Variants in BCAS3 observed in about 807,000 individuals in gnomAD.
BCAS3 encodes BCAS3 microtubule associated cell migration factor.
Under a neutral mutation model 116.1 loss-of-function variants are expected in BCAS3, and 53 were observed. The ratio of observed to expected loss-of-function variants is 0.46; its 90% CI spans 0.37 to 0.57. The LOEUF is 0.57. Among genes scored for constraint, BCAS3 ranks in the 20% least tolerant of loss-of-function variants. The pLI, the probability that BCAS3 is intolerant of heterozygous loss-of-function variation, is 0.00. For missense variants in BCAS3, 917 were observed against 1,165.4 expected, an observed-to-expected ratio of 0.79 and a Z score of 3.10; for synonymous variants, 391 against 408.2, an observed-to-expected ratio of 0.96 and a Z score of 0.51.
chr17:61,276,861 C>A lies in BCAS3; in HGVS notation c.2426-91466C>A, dbSNP rs1411442519. Among the ~76,000 whole-genome samples the A allele has an allele frequency of 6.6e-6, 1 of 152,096 alleles. No individual in the cohort carries two copies. Among genetic ancestry groups the A allele is most frequent in the African/African-American group, 2.4e-5 (1 of 41,428 alleles). On this transcript the variant is annotated intron_variant, in intron 22 of 23. Transcript: ENST00000407086. The surrounding 1 kb of genome is among the most constrained non-coding windows in gnomAD (Gnocchi z 4.2). ...GTACTGGCATAAGGATAGACATATA[C>A]CATAATGGAATAGAATTGAAAGTCC...
chr17:60,970,830 A>G (rs1345731220), intron 14 of BCAS3, among the ~76,000 whole-genome samples: 1 of 152,204 alleles, frequency 6.6e-6, no homozygotes, highest in Admixed American at 6.5e-5. Flanking sequence ...CTTGATGTTG[A>G]TAGAATAGAG....
intron 19 of BCAS3, among the ~76,000 whole-genome samples, chr17:61,072,465 A>G (rs2071525376): frequency 6.6e-6 from 1 of 152,174 alleles, no homozygotes; most frequent in Non-Finnish European, 1.5e-5. Context: ...TTACTTACTT[A>G]GTACAGAATC....
intron 22 of BCAS3, among the ~76,000 whole-genome samples, chr17:61,216,449 A>G (rs1231957330): frequency 2.0e-5 from 3 of 152,250 alleles, no homozygotes; most frequent in Admixed American, 2.0e-4. Flanking sequence ...CGACATATCA[A>G]ATTGAAACGT....
chr17:60,965,577 C>T (rs1360201828), intron 14 of BCAS3, among the ~76,000 whole-genome samples: 8 of 151,998 alleles, frequency 5.3e-5, no homozygotes, highest in Non-Finnish European at 1.2e-4. Context: ...TTTAAAATTT[C>T]TTTCTTAATT....
chr17:61,130,362 G>C lies in BCAS3; in HGVS notation c.2425+45798G>C, dbSNP rs753626907. Reference sequence around the variant, plus strand: ...CTGTACAATTTTCTTATTAATTCTCGTATCCAAAAGAACCACAATACAACC... The same window carrying C: ...CTGTACAATTTTCTTATTAATTCTCCTATCCAAAAGAACCACAATACAACC... On this transcript the variant is annotated intron_variant, in intron 22 of 23. Coordinates refer to ENST00000407086, the MANE Select transcript of BCAS3 (RefSeq NM_017679.5). The surrounding 1 kb of genome is among the most constrained non-coding windows in gnomAD (Gnocchi z 5.0). Among the ~76,000 whole-genome samples, 1 of 151,794 alleles carries C rather than the reference G, an allele frequency of 6.6e-6. No individual in the cohort carries two copies. Among genetic ancestry groups the C allele is most frequent in the East Asian group, 1.9e-4 (1 of 5,176 alleles).
chr17:61,062,335 T>C (rs2070143040), intron 19 of BCAS3, among the ~76,000 whole-genome samples: 1 of 152,132 alleles, frequency 6.6e-6, no homozygotes, highest in Non-Finnish European at 1.5e-5. Flanking sequence ...CCTGTAAAGG[T>C]AAGCTTTAAT....
At chr17:61,055,037 T>A (rs2069235279) in intron 19 of BCAS3, among the ~76,000 whole-genome samples, 1 of 152,244 alleles carries the variant, frequency 6.6e-6, no homozygotes. Context: ...CAGATACTGA[T>A]ATCCCTCAAT....
chr17:61,298,819 T>TTTATTA (rs1555814151), intron 22 of BCAS3, among the ~76,000 whole-genome samples: 2 of 98,094 alleles, frequency 2.0e-5, no homozygotes, highest in Non-Finnish European at 4.6e-5. Flanking sequence ...TATTTATTTA[T>TTTATTA]TTATTATTAT....
intron 19 of BCAS3, among the ~76,000 whole-genome samples, chr17:61,044,319 C>T (rs535006142): frequency 9.3e-4 from 140 of 151,216 alleles, no homozygotes; most frequent in African/African-American, 2.9e-3. Flanking sequence ...TGGTGGCGGG[C>T]GCCTGTAGTC....
chr17:61,097,190 CTTTTT>C lies in BCAS3; in HGVS notation c.2425+12628_2425+12632del, dbSNP rs1046294753. Among the ~76,000 whole-genome samples, 204 of 151,504 alleles carry C rather than the reference CTTTTT, an allele frequency of 1.3e-3. 2 individuals carry two copies. Among genetic ancestry groups the C allele is most frequent in the African/African-American group, 4.6e-3 (192 of 41,408 alleles). ...TTCTTTATTTGTTTTTTTCTTTTTT[CTTTTT>C]TGAGACTGAGTCTCGCTCTGTCACC... On this transcript the variant is annotated intron_variant, in intron 22 of 23. Coordinates refer to ENST00000407086, the MANE Select transcript of BCAS3 (RefSeq NM_017679.5). The surrounding 1 kb of genome is among the most constrained non-coding windows in gnomAD (Gnocchi z 4.0).
In BCAS3 at chr17:61,276,446, A is replaced by G. The variant is rs752562041; in HGVS notation, c.2426-91881A>G. Among the ~76,000 whole-genome samples, 3 of 152,248 alleles carry G rather than the reference A, an allele frequency of 2.0e-5. No homozygotes were observed. The highest frequency in any genetic ancestry group is 4.4e-5 in the Non-Finnish European group (3 of 68,042). The stretch of plus-strand genomic sequence containing the variant: ...TAAAATTAGGAAAGCTATTTCATTT[A>G]CAGTAGCATCAAAAAGAACAAAGTA... On this transcript the variant is annotated intron_variant, in intron 22 of 23. Transcript: ENST00000407086. This position sits in a 1 kb window ranked among gnomAD's most constrained non-coding sequence, Gnocchi z 4.2.
At chr17:61,049,852 C>A (rs1046047596) in intron 19 of BCAS3, among the ~76,000 whole-genome samples, 1 of 150,996 alleles carries the variant, frequency 6.6e-6, no homozygotes, top group African/African-American at 2.4e-5. Context: ...TCTGCCTCAG[C>A]TTCTCAAGTA....
In BCAS3 at chr17:60,997,876, G is replaced by A. The variant is rs548755349; in HGVS notation, c.1486+7641G>A. Among the ~76,000 whole-genome samples the A allele has an allele frequency of 2.0e-5, 3 of 152,296 alleles. No individual in the cohort carries two copies. The South Asian group carries it at 6.2e-4, about 32-fold the overall frequency. ...GGTTTTTAAATTTTAGATTAAGAGT[G>A]TACATGTGCAGATTCGTTACATGGG... On this transcript the variant is annotated intron_variant, in intron 15 of 23. Transcript: ENST00000407086.
At chr17:61,091,969 T>C (rs2073610160) in intron 22 of BCAS3, among the ~76,000 whole-genome samples, 1 of 152,176 alleles carries the variant, frequency 6.6e-6, no homozygotes, top group African/African-American at 2.4e-5. Flanking sequence ...ACCACTCACA[T>C]AAAAACATAG....
chr17:60,955,956 A>T (rs2061109679), intron 14 of BCAS3, among the ~76,000 whole-genome samples: 1 of 152,210 alleles, frequency 6.6e-6, no homozygotes, highest in Admixed American at 6.5e-5. Flanking sequence ...GATCAGTTTA[A>T]TCACATGACT....
In BCAS3 at chr17:61,104,779, T is replaced by A. The variant is rs2074538787; in HGVS notation, c.2425+20215T>A. ...ATGCTTACAACTTTATCTTACATTT[T>A]ACTCAGCAGAGTAACTTTGCCCAGC... On this transcript the variant is annotated intron_variant, in intron 22 of 23. Transcript: ENST00000407086. This position sits in a 1 kb window ranked among gnomAD's most constrained non-coding sequence, Gnocchi z 4.1. Among the ~76,000 whole-genome samples, 1 of 152,218 alleles carries A rather than the reference T, an allele frequency of 6.6e-6. No individual in the cohort carries two copies. Among genetic ancestry groups the A allele is most frequent in the Admixed American group, 6.5e-5 (1 of 15,280 alleles).
intron 22 of BCAS3, among the ~76,000 whole-genome samples, chr17:61,290,738 A>AG: frequency 6.6e-6 from 1 of 152,204 alleles, no homozygotes; most frequent in East Asian, 1.9e-4. Flanking sequence ...CAGAAAAAAA[A>AG]GCCTTGAAAA....
intron 6 of BCAS3, among the ~76,000 whole-genome samples, chr17:60,767,173 T>A (rs1279151401): frequency 6.6e-6 from 1 of 152,156 alleles, no homozygotes; most frequent in Non-Finnish European, 1.5e-5. Context: ...TGCCCCACCC[T>A]GCTTCGGCTC....
chr17:61,116,241 T>TAAAA (rs1394617446), intron 22 of BCAS3, among the ~76,000 whole-genome samples: 472 of 73,088 alleles, frequency 6.5e-3, no homozygotes, highest in African/African-American at 7.9e-3. Flanking sequence ...TAAAGTATAA[T>TAAAA]AAAAAAATAA....
Sources: allele counts gnomAD v4.1 joint callset (sites outside exome capture counted in the v4.1 genomes callset), GRCh38; gene constraint gnomAD v4.1.1; non-coding constraint Gnocchi (gnomAD v3.1); transcripts MANE v1.5; gene names NCBI Gene and HGNC (gene_info 2026-07-23, HGNC 2026-07-21).